RUVBL1: variants seen among roughly 807,000 people sequenced by gnomAD.
RUVBL1 encodes the protein ruvB-like 1.
In RUVBL1, 4 loss-of-function variants were observed where a neutral mutation model predicts 52.4. That is an observed-to-expected ratio of 0.08 (90% CI 0.04 to 0.17). RUVBL1 has a LOEUF of 0.17. Among genes scored for constraint, RUVBL1 ranks in the 10% least tolerant of loss-of-function variants. The pLI is 1.00. For missense variants in RUVBL1, 298 were observed against 572.8 expected (o/e 0.52, Z 4.90); for synonymous variants, 217 against 214.4 (o/e 1.01, Z -0.10).
chr3:128,135,296 G>A (rs1943932819), intron 1 of RUVBL1, among the ~76,000 whole-genome samples: 1 of 152,214 alleles, frequency 6.6e-6, no homozygotes, highest in African/African-American at 2.4e-5. Flanking sequence ...ACTTTGGGAG[G>A]CCGAGGCGGG....
At chr3:128,088,899 A>G (rs569706270) in intron 8 of RUVBL1, among the ~76,000 whole-genome samples, 31 of 152,296 alleles carry the variant, frequency 2.0e-4, no homozygotes, top group Middle Eastern at 6.8e-3. Context: ...TGATAATTTG[A>G]TGCATACAGC....
intron 7 of RUVBL1, 69 bp downstream of exon 7, chr3:128,098,813 G>C: frequency 7.5e-7 from 1 of 1,334,868 alleles, no homozygotes; most frequent in Non-Finnish European, 1.1e-6. Flanking sequence ...TCACAGAGCC[G>C]CAAGAGCATC....
rs1342997848 is a variant in RUVBL1 at position 128,123,779 on chromosome 3, C to A, written c.-55G>T. ...TGGAAAACCAGCAGCTAGGACAGTG[C>A]GCCCGGCGCCTGAGTTACCATGCGG... On this transcript the variant is annotated 5_prime_UTR_variant, in exon 1 of 11. Transcript: ENST00000322623. The A allele has an allele frequency of 3.3e-6, 5 of 1,526,922 alleles. No homozygotes were observed. The African/African-American group carries it at 5.5e-5, about 17-fold the overall frequency. 94.6% of individuals were successfully genotyped at this position (1,526,922 alleles called of 1,614,324 possible). A position where few individuals can be genotyped will look rare whatever the true frequency, so the allele number is the denominator to read the frequency against.
At chr3:128,084,822 C>T (rs1414954621) in intron 9 of RUVBL1, 1 of 152,248 alleles carries the variant, frequency 6.6e-6, no homozygotes, top group Non-Finnish European at 1.5e-5. Flanking sequence ...TCGCCTGGGC[C>T]AGCGGGAACA....
At chr3:128,144,122 G>A (rs1310530114) in intron 1 of RUVBL1, among the ~76,000 whole-genome samples, 2 of 152,182 alleles carry the variant, frequency 1.3e-5, no homozygotes, top group African/African-American at 4.8e-5. Flanking sequence ...GCTGACCTGG[G>A]TGGCAGCCTC....
chr3:128,080,054 G>C (rs1942427416), downstream of RUVBL1, among the ~76,000 whole-genome samples: 2 of 152,198 alleles, frequency 1.3e-5, no homozygotes, highest in Admixed American at 6.5e-5. Flanking sequence ...CATCCTACTG[G>C]GAAGGCACAT....
Position 128,067,305 on chromosome 3 carries a change from T to A in RUVBL1, c.940-2085A>T, listed in dbSNP as rs1028375930. The A allele has an allele frequency of 7.6e-7, 1 of 1,315,580 alleles. No homozygotes were observed. Among genetic ancestry groups the A allele is most frequent in the Non-Finnish European group, 1.1e-6 (1 of 946,318 alleles). The allele number at this position is 1,315,580 out of a possible 1,614,324, so 81.5% of individuals were successfully genotyped here. A position where few individuals can be genotyped will look rare whatever the true frequency, so the allele number is the denominator to read the frequency against. On this transcript the variant is annotated intron_variant, in intron 9 of 9. Coordinates refer to the RUVBL1 transcript ENST00000464873. The surrounding 1 kb of genome is among the most constrained non-coding windows in gnomAD (Gnocchi z 4.1). The stretch of plus-strand genomic sequence containing the variant: ...TTAAATTATCTTTTCAGTAAAAAAA[T>A]TGTACTGTGGGCACCGAGTAAAATT...
chr3:128,119,422 C>T lies in RUVBL1; in HGVS notation c.142-8G>A. On this transcript the variant is annotated splice_polypyrimidine_tract_variant and splice_region_variant and intron_variant, in intron 1 of 10. Transcript: ENST00000322623. ...TACTATGACGCCACATGCCTACACA[C>T]CACAATGGAAAGAAATAATAAATCA... The T allele has an allele frequency of 6.2e-7, 1 of 1,602,552 alleles. No homozygotes were observed. Among genetic ancestry groups the T allele is most frequent in the Non-Finnish European group, 8.5e-7 (1 of 1,172,004 alleles).
intron 2 of RUVBL1, 23 bp downstream of exon 2, chr3:128,119,305 A>T: frequency 6.3e-7 from 1 of 1,596,740 alleles, no homozygotes; most frequent in Non-Finnish European, 8.6e-7. Flanking sequence ...GGGTAGATTT[A>T]AAAAATGAGA....
rs538501151 is a variant in RUVBL1 at position 128,082,739 on chromosome 3, C to T, written c.1120-165G>A. On this transcript the variant is annotated intron_variant, in intron 9 of 10. Transcript: ENST00000322623. The surrounding 1 kb of genome is among the most constrained non-coding windows in gnomAD (Gnocchi z 4.7). ...CAACGCCTGCCCAGCACTGCCGGCC[C>T]GGCACCCTCCAGGAGGCATGTGCGG... The T allele has an allele frequency of 2.7e-5, 16 of 586,122 alleles. No individual in the cohort carries two copies. Among genetic ancestry groups the T allele is most frequent in the Non-Finnish European group, 4.5e-5 (15 of 331,414 alleles). 36.3% of individuals were successfully genotyped at this position (586,122 alleles called of 1,614,324 possible).
intron 1 of RUVBL1, among the ~76,000 whole-genome samples, chr3:128,150,110 C>A (rs987101886): frequency 9.9e-5 from 15 of 152,082 alleles, no homozygotes; most frequent in African/African-American, 3.4e-4. Context: ...AGCTCAAATG[C>A]CTCTCCCTTA....
intron 1 of RUVBL1, among the ~76,000 whole-genome samples, chr3:128,138,162 T>G (rs1045218082): frequency 1.2e-4 from 18 of 152,128 alleles, no homozygotes; most frequent in Non-Finnish European, 2.5e-4. Context: ...GCTACTATTA[T>G]TCAACATAGT....
chr3:128,095,319 G>A (rs1334835804), intron 8 of RUVBL1, among the ~76,000 whole-genome samples: 1 of 152,270 alleles, frequency 6.6e-6, no homozygotes, highest in Non-Finnish European at 1.5e-5. Flanking sequence ...CTCCCCAGCA[G>A]GGGGCACCAT....
At chr3:128,068,853 C>G (rs960592145) in intron 9 of RUVBL1, 1 of 152,440 alleles carries the variant, frequency 6.6e-6, no homozygotes, top group African/African-American at 2.4e-5. Context: ...TGAGCATGGC[C>G]GTGTTCCTAC....
At chr3:128,153,192 T>A (rs1404420333) in intron 1 of RUVBL1, 58 of 1,277,890 alleles carry the variant, frequency 4.5e-5, no homozygotes, top group Non-Finnish European at 5.5e-5. Flanking sequence ...GTTCTCCAAG[T>A]CTCCACTCAC....
chr3:128,081,245 C>CTT lies in RUVBL1; in HGVS notation c.*4_*5insAA, dbSNP rs1423572541. ...AGTCTCTTACTGCTGAAAACCTCAG[C>CTT]CATCTCACTTCATGTACTTATCCTG... On this transcript the variant is annotated 3_prime_UTR_variant, in exon 11 of 11. Coordinates refer to ENST00000322623, the MANE Select transcript of RUVBL1 (RefSeq NM_003707.3). The surrounding 1 kb of genome is among the most constrained non-coding windows in gnomAD (Gnocchi z 4.8). The CTT allele has an allele frequency of 1.2e-6, 2 of 1,610,976 alleles. No individual in the cohort carries two copies. The highest frequency in any genetic ancestry group is 2.7e-5 in the African/African-American group (2 of 74,872).
chr3:128,107,028 C>A (rs911601828), intron 3 of RUVBL1, among the ~76,000 whole-genome samples: 2 of 152,160 alleles, frequency 1.3e-5, no homozygotes, highest in Non-Finnish European at 2.9e-5. Flanking sequence ...CTTTTCTGTA[C>A]ATATGCATAA....
At chr3:128,113,067 G>C in intron 2 of RUVBL1, 47 bp from the exon 3 acceptor site, 3 of 1,601,386 alleles carry the variant, frequency 1.9e-6, no homozygotes, top group Non-Finnish European at 1.7e-6. Flanking sequence ...CTGAAAACAT[G>C]ACAGTTCAGA....
At chr3:128,150,316 G>GGGACA (rs1438676333) in intron 1 of RUVBL1, among the ~76,000 whole-genome samples, 13 of 151,958 alleles carry the variant, frequency 8.6e-5, no homozygotes, top group Non-Finnish European at 1.8e-4. Context: ...ATTCTCTAGA[G>GGGACA]GGACAGAACT....
Sources: gnomAD v4.1 joint callset for allele counts (sites outside exome capture counted in the v4.1 genomes callset) on GRCh38, gnomAD v4.1.1 for gene constraint, Gnocchi (gnomAD v3.1) non-coding constraint, MANE v1.5 for transcripts, NCBI Gene and HGNC (gene_info 2026-07-23, HGNC 2026-07-21) for gene names.